HYDIN: variants seen among roughly 807,000 people sequenced by gnomAD.
HYDIN encodes the protein axonemal central pair apparatus protein HYDIN.
Under a neutral mutation model 403.9 loss-of-function variants are expected in HYDIN, and 132 were observed. The ratio of observed to expected loss-of-function variants is 0.33; its 90% CI spans 0.28 to 0.38. The LOEUF (loss-of-function observed/expected upper bound fraction) is 0.38. Ranked by LOEUF, HYDIN falls within the 10% of genes least tolerant of loss-of-function variation. The pLI is 1.00. For missense variants in HYDIN, 2,827 were observed against 5,009.5 expected, an observed-to-expected ratio of 0.56 and a Z score of 13.15; for synonymous variants, 1,202 against 1,891.7, an observed-to-expected ratio of 0.64 and a Z score of 9.46.
chr16:71,043,454 T>C (rs8049543), intron 18 of HYDIN, among the ~76,000 whole-genome samples: 19,306 of 95,898 alleles, frequency 0.2, 2,752 homozygotes, highest in Middle Eastern at 0.29. Flanking sequence ...CTCATTTTCT[T>C]GTCTTTCTCC....
chr16:70,843,045 TC>T (rs1214834335), intron 75 of HYDIN, among the ~76,000 whole-genome samples: 1 of 150,840 alleles, frequency 6.6e-6, no homozygotes, highest in Non-Finnish European at 1.5e-5. Context: ...ATTTATTTAT[TC>T]TTTTTTTTAT....
At chr16:70,845,455 G>T (rs2038135009) in intron 75 of HYDIN, among the ~76,000 whole-genome samples, 1 of 110,386 alleles carries the variant, frequency 9.1e-6, no homozygotes, top group African/African-American at 4.4e-5. Context: ...GTATTTTATT[G>T]AGGATTTTTG....
rs768311590 is a variant in HYDIN at position 70,874,785 on chromosome 16, T to C, written c.10660+32A>G. The C allele has an allele frequency of 8.3e-5, 133 of 1,600,896 alleles. 1 individual carries two copies. The East Asian group carries it at 2.6e-3, about 31-fold the overall frequency. The stretch of plus-strand genomic sequence containing the variant: ...CTAATGAAGCAGCTACTGAGATCCA[T>C]TGCCCTCTAGAAGCACCCTCCCCAC... On this transcript the variant is annotated intron_variant, in intron 63 of 85. Transcript: ENST00000393567.
At chr16:71,023,203 G>A (rs933311936) in intron 21 of HYDIN, among the ~76,000 whole-genome samples, 54 of 151,806 alleles carry the variant, frequency 3.6e-4, no homozygotes, top group South Asian at 6.2e-4. Context: ...AACTCTTGTC[G>A]TATTTTCCTT....
At chr16:71,120,735 C>T (rs889205283) in intron 9 of HYDIN, among the ~76,000 whole-genome samples, 4 of 151,238 alleles carry the variant, frequency 2.6e-5, no homozygotes, top group African/African-American at 7.3e-5. Flanking sequence ...TTATTTCTTA[C>T]AAATCTTGCC....
intron 23 of HYDIN, among the ~76,000 whole-genome samples, chr16:70,996,667 T>C (rs568209915): frequency 7.7e-4 from 117 of 151,966 alleles, no homozygotes; most frequent in Non-Finnish European, 1.4e-3. Flanking sequence ...TTTTTGGAAT[T>C]CAAATGAGGG....
In HYDIN at chr16:70,840,995, T is replaced by C. The variant is rs565887587; in HGVS notation, c.12874-762A>G. Among the ~76,000 whole-genome samples the C allele has an allele frequency of 7.2e-5, 11 of 152,294 alleles. No homozygotes were observed. The South Asian group carries it at 2.3e-3, about 32-fold the overall frequency. Reference sequence around the variant, plus strand: ...TTTCAAATAAATTATCTATTATTCATTCTAAGCATCATTAGAATAAACATT... The same window carrying C: ...TTTCAAATAAATTATCTATTATTCACTCTAAGCATCATTAGAATAAACATT... On this transcript the variant is annotated intron_variant, in intron 75 of 85. Coordinates refer to ENST00000393567, the MANE Select transcript of HYDIN (RefSeq NM_001270974.2).
rs12102644 is a variant in HYDIN, at chr16:70,868,638, G to C, written c.11242C>G (p.Arg3748Gly). Residue 3748 changes from arginine to glycine, a missense_variant, in exon 66 of 86, where the codon CGC (arginine) becomes GGC (glycine). Arg to Gly is a moderately radical substitution (Grantham distance 125, BLOSUM62 -2). Transcript: ENST00000393567. ...TCCACCCACTTGACTGTGTGCATGC[G>C]GTCATCCCAGTCGGGGACCTGGTCT... is the stretch of plus-strand genomic sequence containing the variant. The part of the protein sequence containing the change: ...PADQVPDWDD[R>G]MHTVKWVDVP... 1 of 1,613,956 alleles carries C rather than the reference G, an allele frequency of 6.2e-7. No homozygotes were observed. Among genetic ancestry groups the C allele is most frequent in the Non-Finnish European group, 8.5e-7 (1 of 1,179,998 alleles).
chr16:70,803,684 C>T lies in HYDIN; in HGVS notation c.*3896G>A, dbSNP rs371357093. Among the ~76,000 whole-genome samples, 1 of 152,306 alleles carries T rather than the reference C, an allele frequency of 6.6e-6. No individual in the cohort carries two copies. The highest frequency in any genetic ancestry group is 2.4e-5 in the African/African-American group (1 of 41,552). The stretch of plus-strand genomic sequence containing the variant: ...CTTGAACTGTGCAAAGCAGTTTCTC[C>T]AACAGCAATGTAATTGTAGCTGGAG... On this transcript the variant is annotated 3_prime_UTR_variant, in exon 86 of 86. Transcript: ENST00000393567.
intron 1 of HYDIN, among the ~76,000 whole-genome samples, chr16:71,226,810 T>C (rs1254335555): frequency 2.0e-5 from 3 of 152,162 alleles, no homozygotes; most frequent in Admixed American, 1.3e-4. Context: ...ATCCAGACAG[T>C]GAGAGACCAG....
chr16:71,070,308 C>CCTTCCTTT (rs2082425133), intron 13 of HYDIN, among the ~76,000 whole-genome samples: 3 of 150,032 alleles, frequency 2.0e-5, no homozygotes, highest in African/African-American at 7.4e-5. Context: ...CTCCTTCCTT[C>CCTTCCTTT]CTTCCTTTCT....
rs192963681 is a variant in HYDIN, at chr16:70,984,841, C to T, written c.4332+344G>A. Among the ~76,000 whole-genome samples, 3 of 151,184 alleles carry T rather than the reference C, an allele frequency of 2.0e-5. No homozygotes were observed. In the East Asian group the frequency reaches 5.9e-4, roughly 30 times the overall value. ...CAGTCTGCTAGTGTTTTCACACCTG[C>T]TGAAGTCAGTGGAGAGGAAGCCCTC... On this transcript the variant is annotated intron_variant, in intron 28 of 85. Coordinates refer to ENST00000393567, the MANE Select transcript of HYDIN (RefSeq NM_001270974.2).
rs1329868173 is a variant in HYDIN at position 71,230,608 on chromosome 16, C to G, written c.-70G>C. ...CGTTTATTCTACCTCCATTCCCCGC[C>G]AAGACCCCGCGTCCAACTCACAGAC... On this transcript the variant is annotated 5_prime_UTR_variant, in exon 1 of 86. Coordinates refer to ENST00000393567, the MANE Select transcript of HYDIN (RefSeq NM_001270974.2). 10 of 1,535,976 alleles carry G rather than the reference C, an allele frequency of 6.5e-6. No individual in the cohort carries two copies. Among genetic ancestry groups the G allele is most frequent in the South Asian group, 1.2e-5 (1 of 84,050 alleles).
chr16:71,136,680 T>C (rs1044287794), intron 8 of HYDIN, among the ~76,000 whole-genome samples: 2 of 146,960 alleles, frequency 1.4e-5, no homozygotes, highest in African/African-American at 5.0e-5. Context: ...GGCAGGAGAA[T>C]TGCTTGAACC....
intron 18 of HYDIN, among the ~76,000 whole-genome samples, chr16:71,042,837 C>T (rs1374220872): frequency 1.3e-5 from 2 of 151,984 alleles, no homozygotes; most frequent in Non-Finnish European, 2.9e-5. Flanking sequence ...GACAGGCTGC[C>T]CTCTGGGCCT....
intron 36 of HYDIN, among the ~76,000 whole-genome samples, chr16:70,965,899 C>G (rs1330525315): frequency 1.3e-5 from 2 of 152,086 alleles, no homozygotes; most frequent in African/African-American, 2.4e-5. Context: ...GACAGAGTGG[C>G]AATGATGCTG....
chr16:70,843,007 C>CT (rs147680176), intron 75 of HYDIN, among the ~76,000 whole-genome samples: 25 of 149,486 alleles, frequency 1.7e-4, no homozygotes, highest in Non-Finnish European at 2.8e-4. Context: ...AACTTAATTT[C>CT]TTTTTTTTTA....
intron 67 of HYDIN, among the ~76,000 whole-genome samples, 185 bp downstream of exon 67, chr16:70,865,984 T>C (rs370283306): frequency 1.1e-3 from 168 of 151,336 alleles, no homozygotes; most frequent in African/African-American, 3.7e-3. Flanking sequence ...ATTTCAAGTG[T>C]GAATTTCAAT....
intron 6 of HYDIN, among the ~76,000 whole-genome samples, chr16:71,154,272 T>A (rs1033791368): frequency 3.3e-5 from 5 of 151,554 alleles, no homozygotes; most frequent in African/African-American, 1.2e-4. Flanking sequence ...TAAAAAAAAA[T>A]TTACTTTTTG....
Sources: gnomAD v4.1 joint callset for allele counts (sites outside exome capture counted in the v4.1 genomes callset) on GRCh38, gnomAD v4.1.1 for gene constraint, MANE v1.5 for transcripts, NCBI Gene and HGNC (gene_info 2026-07-23, HGNC 2026-07-21) for gene names.